Variants in C10orf95 observed in about 807,000 individuals in gnomAD.
C10orf95 encodes the protein uncharacterized protein C10orf95.
For synonymous variants in C10orf95, 188 were observed against 160.4 expected, an observed-to-expected ratio of 1.17 and a Z score of -1.30; for missense variants, 412 against 327.4, an observed-to-expected ratio of 1.26 and a Z score of -1.99.
intron 1 of C10orf95, 98 bp from the exon 2 acceptor site, chr10:102,451,245 G>A (rs910576283): frequency 5.6e-6 from 8 of 1,421,248 alleles, no homozygotes; most frequent in Non-Finnish European, 7.4e-6. Context: ...GGCTTTGGGG[G>A]AATTCATCCC....
chr10:102,450,943 C>A lies in C10orf95; in HGVS notation c.151G>T (p.Glu51Ter). The change falls in exon 2 of 2, where the codon GAG becomes TAG. Residue 51 changes from glutamate to a stop codon, truncating the protein, a stop_gained. Coordinates refer to ENST00000625129, the MANE Select transcript of C10orf95 (RefSeq NM_001363580.1). LOFTEE classifies it low-confidence loss of function (END_TRUNC). Reference protein sequence around the residue: ...RSRPGSLHAGEWAAPREYHRF... With the variant: ...RSRPGSLHAG The stretch of plus-strand genomic sequence containing the variant: ...TGGTATTCCCGTGGGGCCGCCCACT[C>A]GCCCGCATGCAGGCTCCCGGGCCGG... 7.9e-7 allele frequency: 1 copy of A among 1,265,466 alleles called. No individual in the cohort carries two copies. The highest frequency in any genetic ancestry group is 1.5e-5 in the African/African-American group (1 of 65,636). The allele number at this position is 1,265,466 out of a possible 1,614,324, so 78.4% of individuals were successfully genotyped here. A position where few individuals can be genotyped will look rare whatever the true frequency, so the allele number is the denominator to read the frequency against.
intron 1 of C10orf95, 71 bp downstream of exon 1, chr10:102,451,315 C>T (rs1229392328): frequency 6.6e-7 from 1 of 1,510,598 alleles, no homozygotes; most frequent in Non-Finnish European, 8.9e-7. Context: ...GAGCCTCAGG[C>T]TCCCAGCAGA....
At chr10:102,451,176 G>T (rs971592561) in intron 1 of C10orf95, 29 bp from the exon 2 acceptor site, 2 of 1,472,034 alleles carry the variant, frequency 1.4e-6, no homozygotes, top group Non-Finnish European at 1.8e-6. Flanking sequence ...TATGTAGACA[G>T]ACTTTCTACT....
rs2061684101 is a variant in C10orf95, at chr10:102,450,458, C to T, written c.636G>A (p.Leu212=). ...CCTAGGCCTTGCGGCGGCTTCAGCTCAGGCCCTTGCTCTTCCTGGGGCGGC... is the reference window on the plus strand; with the variant it reads ...CCTAGGCCTTGCGGCGGCTTCAGCTTAGGCCCTTGCTCTTCCTGGGGCGGC... ...ERGRPRKSKG[L]S The change falls in exon 2 of 2, where the codon CTG becomes CTA. Residue 212 remains leucine (L), a synonymous_variant. Coordinates refer to ENST00000625129, the MANE Select transcript of C10orf95 (RefSeq NM_001363580.1). The T allele has an allele frequency of 6.6e-7, 1 of 1,514,324 alleles. No individual in the cohort carries two copies. The highest frequency in any genetic ancestry group is 8.8e-7 in the Non-Finnish European group (1 of 1,134,710). The allele number at this position is 1,514,324 out of a possible 1,614,324, so 93.8% of individuals were successfully genotyped here.
chr10:102,451,354 C>G, intron 1 of C10orf95, 32 bp downstream of exon 1: 1 of 1,563,698 alleles, frequency 6.4e-7, no homozygotes, highest in Non-Finnish European at 8.7e-7. Context: ...AGCCCTCCGC[C>G]GGGATGCTCT....
intron 1 of C10orf95, 25 bp from the exon 2 acceptor site, chr10:102,451,172 GAC>G (rs767891491): frequency 6.8e-7 from 1 of 1,471,978 alleles, no homozygotes; most frequent in East Asian, 2.4e-5. Context: ...GGGATATGTA[GAC>G]AGACTTTCTA....
Position 102,450,459 on chromosome 10 carries a change from A to G in C10orf95, c.635T>C (p.Leu212Pro). The change falls in exon 2 of 2, where the codon CTG becomes CCG. Residue 212 changes from leucine to proline, a missense_variant. Coordinates refer to ENST00000625129, the MANE Select transcript of C10orf95 (RefSeq NM_001363580.1). ...CTAGGCCTTGCGGCGGCTTCAGCTC[A>G]GGCCCTTGCTCTTCCTGGGGCGGCC... ...ERGRPRKSKG[L>P]S is the part of the protein sequence containing the mutation. 4.0e-6 allele frequency: 6 copies of G among 1,513,984 alleles called. No individual in the cohort carries two copies. The highest frequency in any genetic ancestry group is 5.3e-6 in the Non-Finnish European group (6 of 1,134,518). The allele number at this position is 1,513,984 out of a possible 1,614,324, so 93.8% of individuals were successfully genotyped here.
Position 102,450,683 on chromosome 10 carries a change from T to C in C10orf95, c.411A>G (p.Leu137=). Residue 137 remains leucine (L), a synonymous_variant, in exon 2 of 2, where the codon CTA becomes CTG. Transcript: ENST00000625129. ...GCAGCTCCCGGCGCACGAAGTCCGG[T>C]AGCTGCAGAGGGGGGCCCCGCGCGC... ...VERARGPPLQ[L]PDFVRRELRR... 8.1e-7 allele frequency: 1 copy of C among 1,235,424 alleles called. No individual in the cohort carries two copies. Among genetic ancestry groups the C allele is most frequent in the Non-Finnish European group, 1.0e-6 (1 of 990,078 alleles). 76.5% of individuals were successfully genotyped at this position (1,235,424 alleles called of 1,614,324 possible). A position where few individuals can be genotyped will look rare whatever the true frequency, so the allele number is the denominator to read the frequency against.
At position 102,450,447 on chromosome 10, in the gene C10orf95, C is replaced by A; in HGVS notation, c.*5G>T. The A allele has an allele frequency of 1.3e-6, 2 of 1,524,148 alleles. No individual in the cohort carries two copies. The highest frequency in any genetic ancestry group is 1.8e-6 in the Non-Finnish European group (2 of 1,139,114). 94.4% of individuals were successfully genotyped at this position (1,524,148 alleles called of 1,614,324 possible). On this transcript the variant is annotated 3_prime_UTR_variant, in exon 2 of 2. Transcript: ENST00000625129. ...GCGGGCCCGCCCCTAGGCCTTGCGGCGGCTTCAGCTCAGGCCCTTGCTCTT... is the reference window on the plus strand; with the variant it reads ...GCGGGCCCGCCCCTAGGCCTTGCGGAGGCTTCAGCTCAGGCCCTTGCTCTT...
chr10:102,451,432 C>T lies in C10orf95; in HGVS notation c.-101G>A, dbSNP rs1213506276. The T allele has an allele frequency of 6.8e-6, 10 of 1,464,340 alleles. No individual in the cohort carries two copies. Among genetic ancestry groups the T allele is most frequent in the South Asian group, 2.2e-5 (2 of 88,982 alleles). The allele number at this position is 1,464,340 out of a possible 1,614,324, so 90.7% of individuals were successfully genotyped here. On this transcript the variant is annotated 5_prime_UTR_variant, in exon 1 of 2. Transcript: ENST00000625129. ...AGCCGGCGGGATCCAGAGCGGGGCT[C>T]CTCTCCGCACTTTGTAGCTGCGTTG...
chr10:102,450,232 T>A lies in C10orf95; in HGVS notation c.*220A>T. On this transcript the variant is annotated 3_prime_UTR_variant, in exon 2 of 2. Coordinates refer to ENST00000625129, the MANE Select transcript of C10orf95 (RefSeq NM_001363580.1). ...CAGAACACCCAGAGGTGCCCTCGAT[T>A]CCGTCTTGCACTTGCCCTTCTCCCA... 1 of 679,884 alleles carries A rather than the reference T, an allele frequency of 1.5e-6. No individual in the cohort carries two copies. The highest frequency in any genetic ancestry group is 2.7e-6 in the Non-Finnish European group (1 of 372,070). 42.1% of individuals were successfully genotyped at this position (679,884 alleles called of 1,614,324 possible). A position where few individuals can be genotyped will look rare whatever the true frequency, so the allele number is the denominator to read the frequency against.
In C10orf95 at chr10:102,450,384, G is replaced by T; in HGVS notation, c.*68C>A. 1 of 1,476,828 alleles carries T rather than the reference G, an allele frequency of 6.8e-7. No individual in the cohort carries two copies. 91.5% of individuals were successfully genotyped at this position (1,476,828 alleles called of 1,614,324 possible). ...AGGTGAGGGCTCACTTCTGCCTGTC[G>T]GCGGCGGCACACACAGGAAAGAGCC... is the stretch of plus-strand genomic sequence containing the variant. On this transcript the variant is annotated 3_prime_UTR_variant, in exon 2 of 2. Transcript: ENST00000625129.
rs1000311109 is a variant in C10orf95 at position 102,450,330 on chromosome 10, G to A, written c.*122C>T. The A allele has an allele frequency of 5.6e-6, 6 of 1,075,546 alleles. No individual in the cohort carries two copies. Among genetic ancestry groups the A allele is most frequent in the Non-Finnish European group, 8.2e-6 (6 of 731,262 alleles). 66.6% of individuals were successfully genotyped at this position (1,075,546 alleles called of 1,614,324 possible). A position where few individuals can be genotyped will look rare whatever the true frequency, so the allele number is the denominator to read the frequency against. On this transcript the variant is annotated 3_prime_UTR_variant, in exon 2 of 2. Coordinates refer to ENST00000625129, the MANE Select transcript of C10orf95 (RefSeq NM_001363580.1). ...AGTCATGGGAGAAGCCAAAAAGACAGGTGAGCAGCGCGTCCGCCTCCCGCG... is the reference window on the plus strand; with the variant it reads ...AGTCATGGGAGAAGCCAAAAAGACAAGTGAGCAGCGCGTCCGCCTCCCGCG...
Position 102,451,519 on chromosome 10 carries a change from A to G in C10orf95, c.-188T>C, listed in dbSNP as rs745306613. On this transcript the variant is annotated 5_prime_UTR_variant, in exon 1 of 2. Transcript: ENST00000625129. ...TTACCAGGCAAAAGGAAACACCTTG[A>G]GCTGGCCAGGAGCTACCAGCGTCTG... is the stretch of plus-strand genomic sequence containing the variant. 2.2e-6 allele frequency: 3 copies of G among 1,346,136 alleles called. No homozygotes were observed. The highest frequency in any genetic ancestry group is 2.9e-6 in the Non-Finnish European group (3 of 1,018,556). 83.4% of individuals were successfully genotyped at this position (1,346,136 alleles called of 1,614,324 possible). A position where few individuals can be genotyped will look rare whatever the true frequency, so the allele number is the denominator to read the frequency against.
In C10orf95 at chr10:102,450,259, C is replaced by G. The variant is rs1194107057; in HGVS notation, c.*193G>C. 3.2e-5 allele frequency: 23 copies of G among 717,544 alleles called. No homozygotes were observed. The highest frequency in any genetic ancestry group is 5.3e-5 in the African/African-American group (3 of 57,014). 44.4% of individuals were successfully genotyped at this position (717,544 alleles called of 1,614,324 possible). A position where few individuals can be genotyped will look rare whatever the true frequency, so the allele number is the denominator to read the frequency against. On this transcript the variant is annotated 3_prime_UTR_variant, in exon 2 of 2. Coordinates refer to ENST00000625129, the MANE Select transcript of C10orf95 (RefSeq NM_001363580.1). ...CGTCTTGCACTTGCCCTTCTCCCACCGTCCAGCAATAAAGCGAGAGAAACA... is the reference window on the plus strand; with the variant it reads ...CGTCTTGCACTTGCCCTTCTCCCACGGTCCAGCAATAAAGCGAGAGAAACA...
chr10:102,450,764 C>T lies in C10orf95; in HGVS notation c.330G>A (p.Ala110=), dbSNP rs1055739010. 10 of 1,304,246 alleles carry T rather than the reference C, an allele frequency of 7.7e-6. No homozygotes were observed. In the African/African-American group the frequency reaches 9.4e-5, roughly 12 times the overall value. 80.8% of individuals were successfully genotyped at this position (1,304,246 alleles called of 1,614,324 possible). The part of the protein sequence containing the change: ...QAPAAVAESW[A]PWPEGGSLQT... ...GCAGGCTCCCGCCCTCCGGCCACGG[C>T]GCCCAGCTCTCGGCCACCGCCGCGG... The change falls in exon 2 of 2, where the codon GCG becomes GCA. Residue 110 remains alanine (A), a synonymous_variant. Coordinates refer to ENST00000625129, the MANE Select transcript of C10orf95 (RefSeq NM_001363580.1).
rs750405943 is a variant in C10orf95, at chr10:102,450,950, A to T, written c.144T>A (p.His48Gln). 3.1e-6 allele frequency: 4 copies of T among 1,274,294 alleles called. No homozygotes were observed. The highest frequency in any genetic ancestry group is 3.0e-6 in the Non-Finnish European group (3 of 1,010,438). The allele number at this position is 1,274,294 out of a possible 1,614,324, so 78.9% of individuals were successfully genotyped here. Reference sequence around the variant, plus strand: ...CCCGTGGGGCCGCCCACTCGCCCGCATGCAGGCTCCCGGGCCGGCTGCGGA... The same window carrying T: ...CCCGTGGGGCCGCCCACTCGCCCGCTTGCAGGCTCCCGGGCCGGCTGCGGA... The part of the protein sequence containing the change: ...HSFRSRPGSL[H>Q]AGEWAAPREY... Residue 48 changes from histidine (H) to glutamine (Q), a missense_variant, in exon 2 of 2, where the codon CAT (histidine) becomes CAA (glutamine). Physicochemically the swap from His to Gln is conservative, Grantham distance 24. Coordinates refer to ENST00000625129, the MANE Select transcript of C10orf95 (RefSeq NM_001363580.1).
Position 102,450,368 on chromosome 10 carries a change from C to T in C10orf95, c.*84G>A, listed in dbSNP as rs1359679002. ...TCCGCCTCCCGCGCACAGGTGAGGG[C>T]TCACTTCTGCCTGTCGGCGGCGGCA... On this transcript the variant is annotated 3_prime_UTR_variant, in exon 2 of 2. Transcript: ENST00000625129. 2 of 1,414,230 alleles carry T rather than the reference C, an allele frequency of 1.4e-6. No homozygotes were observed. The highest frequency in any genetic ancestry group is 1.9e-6 in the Non-Finnish European group (2 of 1,040,204). The allele number at this position is 1,414,230 out of a possible 1,614,324, so 87.6% of individuals were successfully genotyped here.
Position 102,450,941 on chromosome 10 carries a change from C to G in C10orf95, c.153G>C (p.Glu51Asp). 1 of 1,263,524 alleles carries G rather than the reference C, an allele frequency of 7.9e-7. No homozygotes were observed. The highest frequency in any genetic ancestry group is 2.5e-4 in the Middle Eastern group (1 of 3,994). The allele number at this position is 1,263,524 out of a possible 1,614,324, so 78.3% of individuals were successfully genotyped here. The change falls in exon 2 of 2, where the codon GAG becomes GAC. Residue 51 changes from glutamate to aspartate, a missense_variant. By Grantham distance (45) the Glu-to-Asp change is conservative. Transcript: ENST00000625129. ...GGTGGTATTCCCGTGGGGCCGCCCA[C>G]TCGCCCGCATGCAGGCTCCCGGGCC... is the stretch of plus-strand genomic sequence containing the variant. The part of the protein sequence containing the change: ...RSRPGSLHAG[E>D]WAAPREYHRF...
Sources: gnomAD v4.1 joint callset for allele counts on GRCh38, gnomAD v4.1.1 for gene constraint, MANE v1.5 for transcripts, NCBI Gene and HGNC (gene_info 2026-07-23, HGNC 2026-07-21) for gene names.